The following SRPK2 variants were observed in gnomAD, a reference collection of about 807,000 sequenced individuals.
SRPK2 encodes SFRS protein kinase 2.
A neutral mutation model predicts 90.8 loss-of-function variants in SRPK2; 21 were observed. That is an observed-to-expected ratio of 0.23 (90% CI 0.16 to 0.33). SRPK2 has a LOEUF of 0.33. Among genes scored for constraint, SRPK2 ranks in the 10% least tolerant of loss-of-function variants. The pLI is 1.00. For synonymous variants in SRPK2, 288 were observed against 311.1 expected (o/e 0.93, Z 0.78); for missense variants, 620 against 869.0 (o/e 0.71, Z 3.60).
intron 10 of SRPK2, 123 bp from the exon 11 acceptor site, chr7:105,142,613 T>C: frequency 7.4e-7 from 1 of 1,343,258 alleles, no homozygotes. Flanking sequence ...GGTAAACACC[T>C]CTTGGCTTTT....
At chr7:105,208,349 G>A (rs1301533924) in intron 2 of SRPK2, among the ~76,000 whole-genome samples, 2 of 152,170 alleles carry the variant, frequency 1.3e-5, no homozygotes, top group Non-Finnish European at 2.9e-5. Flanking sequence ...ACAGTGTTCA[G>A]AGAAGTACTA....
At chr7:105,165,106 C>A (rs1377325395) in intron 6 of SRPK2, among the ~76,000 whole-genome samples, 5 of 152,210 alleles carry the variant, frequency 3.3e-5, no homozygotes, top group African/African-American at 1.2e-4. Flanking sequence ...GCTTTCTTCT[C>A]TGAGCTACAG....
intron 11 of SRPK2, among the ~76,000 whole-genome samples, chr7:105,135,323 GGA>G (rs1584907918): frequency 6.6e-6 from 1 of 152,284 alleles, no homozygotes; most frequent in East Asian, 1.9e-4. Context: ...CCCAAACACA[GGA>G]GAGTCAGGAC....
chr7:105,324,021 G>A (rs1813269415), intron 2 of SRPK2, among the ~76,000 whole-genome samples: 1 of 148,666 alleles, frequency 6.7e-6, no homozygotes, highest in Non-Finnish European at 1.5e-5. Flanking sequence ...GTGTGTGGTG[G>A]AGTCTCACAT....
intron 2 of SRPK2, among the ~76,000 whole-genome samples, chr7:105,385,090 T>C (rs1430753154): frequency 1.3e-5 from 2 of 150,554 alleles, no homozygotes; most frequent in Non-Finnish European, 3.0e-5. Flanking sequence ...GCCAGGATGG[T>C]CTCGATCTCC....
At chr7:105,282,585 T>C (rs1413127745) in intron 2 of SRPK2, among the ~76,000 whole-genome samples, 1 of 152,214 alleles carries the variant, frequency 6.6e-6, no homozygotes, top group Non-Finnish European at 1.5e-5. Flanking sequence ...GGCGGATCAC[T>C]TGAGGCAAGC....
At chr7:105,133,231 C>A in intron 11 of SRPK2, 127 bp from the exon 12 acceptor site, 1 of 837,774 alleles carries the variant, frequency 1.2e-6, no homozygotes, top group South Asian at 1.6e-5. Flanking sequence ...GCCTGGAATA[C>A]TGTAAATTAA....
chr7:105,357,975 A>G (rs573139934), intron 2 of SRPK2, among the ~76,000 whole-genome samples: 1 of 152,238 alleles, frequency 6.6e-6, no homozygotes, highest in East Asian at 1.9e-4. Flanking sequence ...CTATAATCCC[A>G]GCACTTTGGG....
At chr7:105,177,005 AT>A (rs1792050795) in intron 3 of SRPK2, among the ~76,000 whole-genome samples, 1 of 151,962 alleles carries the variant, frequency 6.6e-6, no homozygotes, top group Non-Finnish European at 1.5e-5. Context: ...ATGGACTGTC[AT>A]TTTCTTATCA....
At chr7:105,199,585 C>T (rs886242577) in intron 3 of SRPK2, among the ~76,000 whole-genome samples, 3 of 152,016 alleles carry the variant, frequency 2.0e-5, no homozygotes, top group African/African-American at 7.3e-5. Context: ...TGATTCATAC[C>T]ATACAGGGAA....
In SRPK2 at chr7:105,301,512, C is replaced by T. The variant is rs1455793758; in HGVS notation, c.71+87136G>A. On this transcript the variant is annotated intron_variant, in intron 2 of 15. Transcript: ENST00000393651. ...GTCCACTCAGGAGGCGCCCCGCAAC[C>T]GGTGTGACGAGTGCCAACGAGGACC... The T allele has an allele frequency of 1.3e-5, 18 of 1,375,330 alleles. No homozygotes were observed. The East Asian group carries it at 2.7e-4, about 21-fold the overall frequency. 85.2% of individuals were successfully genotyped at this position (1,375,330 alleles called of 1,614,324 possible). A position where few individuals can be genotyped will look rare whatever the true frequency, so the allele number is the denominator to read the frequency against.
At position 105,117,299 on chromosome 7, in the gene SRPK2, T is replaced by C. The variant is rs1473883472; in HGVS notation, c.*539A>G. 6.5e-6 allele frequency: 1 copy of C among 153,724 alleles called. No individual in the cohort carries two copies. The highest frequency in any genetic ancestry group is 1.5e-5 in the Non-Finnish European group (1 of 68,918). 9.5% of individuals were successfully genotyped at this position (153,724 alleles called of 1,614,324 possible). On this transcript the variant is annotated 3_prime_UTR_variant, in exon 16 of 16. Coordinates refer to ENST00000393651, the MANE Select transcript of SRPK2 (RefSeq NM_182692.3). ...TACAAAGCACTCAAGACTTGGTAGC[T>C]TTTCTGAAATTTGAGTCCCCCTCCC...
chr7:105,393,459 CTTTTT>C (rs58162170), upstream of SRPK2, among the ~76,000 whole-genome samples: 2 of 81,228 alleles, frequency 2.5e-5, no homozygotes, highest in East Asian at 3.9e-4. Flanking sequence ...TCTGGTTTTT[CTTTTT>C]TTTTTTTTTT....
rs574227147 is a variant in SRPK2 at position 105,289,974 on chromosome 7, G to A, written c.72-86189C>T. ...CGCAGGAAGTAGGAAGGCCAAAGAG[G>A]AGGGAGAGAGACAGAGTACAGGTCA... On this transcript the variant is annotated intron_variant, in intron 2 of 15. Coordinates refer to ENST00000393651, the MANE Select transcript of SRPK2 (RefSeq NM_182692.3). 2.5e-4 allele frequency among the ~76,000 whole-genome samples: 38 copies of A among 152,066 alleles called. 1 individual carries two copies. The highest frequency in any genetic ancestry group is 8.9e-4 in the African/African-American group (37 of 41,504).
rs1218153138 is a variant in SRPK2 at position 105,117,412 on chromosome 7, A to G, written c.*426T>C. 5.3e-6 allele frequency: 1 copy of G among 188,526 alleles called. No homozygotes were observed. The highest frequency in any genetic ancestry group is 2.4e-5 in the African/African-American group (1 of 41,672). The allele number at this position is 188,526 out of a possible 1,614,324, so 11.7% of individuals were successfully genotyped here. On this transcript the variant is annotated 3_prime_UTR_variant, in exon 16 of 16. Transcript: ENST00000393651. Reference sequence around the variant, plus strand: ...TCCCTTTGCCAGAAGATAAAATTGTACATTTCCTTGCTATTTCTTGGTTCC... The same window carrying G: ...TCCCTTTGCCAGAAGATAAAATTGTGCATTTCCTTGCTATTTCTTGGTTCC...
chr7:105,145,244 T>TA, intron 9 of SRPK2, 39 bp downstream of exon 9: 1 of 1,525,566 alleles, frequency 6.6e-7, no homozygotes, highest in Non-Finnish European at 8.9e-7. Flanking sequence ...CGGTCTCTTT[T>TA]AACATGGTGC....
At chr7:105,245,583 C>T (rs150428322) in intron 2 of SRPK2, among the ~76,000 whole-genome samples, 104 of 152,064 alleles carry the variant, frequency 6.8e-4, no homozygotes, top group African/African-American at 2.5e-3. Flanking sequence ...AGCAGTACAG[C>T]GAGTTTTGAC....
At chr7:105,234,149 T>C (rs1379328796) in intron 2 of SRPK2, among the ~76,000 whole-genome samples, 1 of 152,086 alleles carries the variant, frequency 6.6e-6, no homozygotes, top group Non-Finnish European at 1.5e-5. Context: ...TATAATAAGG[T>C]AAATGAGACT....
At chr7:105,295,517 T>A (rs1236001603) in intron 2 of SRPK2, among the ~76,000 whole-genome samples, 1 of 152,120 alleles carries the variant, frequency 6.6e-6, no homozygotes, top group Non-Finnish European at 1.5e-5. Context: ...CTTGAAAACA[T>A]TATGCTAAGT....
Sources: gnomAD v4.1 joint callset for allele counts (sites outside exome capture counted in the v4.1 genomes callset) on GRCh38, gnomAD v4.1.1 for gene constraint, MANE v1.5 for transcripts, NCBI Gene and HGNC (gene_info 2026-07-23, HGNC 2026-07-21) for gene names.